The following DAB1 variants were observed in gnomAD, a reference collection of about 807,000 sequenced individuals.
DAB1 encodes DAB adaptor protein 1.
A neutral mutation model predicts 64.6 loss-of-function variants in DAB1; 15 were observed. The ratio of observed to expected loss-of-function variants is 0.23; its 90% CI spans 0.16 to 0.36. The LOEUF (loss-of-function observed/expected upper bound fraction) is 0.36, where lower values mean the gene tolerates loss of function less well. Ranked by LOEUF, DAB1 falls within the 10% of genes least tolerant of loss-of-function variation. The probability of loss-of-function intolerance (pLI) is 1.00; values close to 1 mark genes in which losing one functional copy is unlikely to be tolerated. For synonymous variants in DAB1, 235 were observed against 251.9 expected, an observed-to-expected ratio of 0.93 and a Z score of 0.64; for missense variants, 596 against 706.7, an observed-to-expected ratio of 0.84 and a Z score of 1.78.
chr1:57,922,525 G>A (rs1188827485), intron 5 of DAB1, among the ~76,000 whole-genome samples: 2 of 152,056 alleles, frequency 1.3e-5, no homozygotes, highest in African/African-American at 2.4e-5. Context: ...TTTGCCCTGA[G>A]GAACCTCCAT....
At chr1:57,857,370 A>T (rs1227226251) in intron 1 of DAB1, among the ~76,000 whole-genome samples, 3 of 152,222 alleles carry the variant, frequency 2.0e-5, no homozygotes, top group Admixed American at 1.3e-4. Flanking sequence ...AGATTCTGAA[A>T]ACAATATACA....
intron 6 of DAB1, among the ~76,000 whole-genome samples, chr1:57,785,648 C>T (rs192600471): frequency 0.013 from 2,017 of 152,214 alleles, 25 homozygotes; most frequent in Non-Finnish European, 0.019. Flanking sequence ...GAAGATGTGA[C>T]TGAATTTCTG....
chr1:58,505,002 G>A (rs1016582796), intron 3 of DAB1, among the ~76,000 whole-genome samples: 1 of 151,384 alleles, frequency 6.6e-6, no homozygotes, highest in Non-Finnish European at 1.5e-5. Flanking sequence ...TCGCTGACTA[G>A]AGTGCAGTGG....
chr1:57,973,057 T>C (rs1484388327), intron 5 of DAB1, among the ~76,000 whole-genome samples: 1 of 152,188 alleles, frequency 6.6e-6, no homozygotes. Flanking sequence ...TAAAGGATTC[T>C]GAGATGGGGG....
intron 3 of DAB1, among the ~76,000 whole-genome samples, chr1:58,458,401 C>T (rs1311776742): frequency 6.6e-6 from 1 of 152,206 alleles, no homozygotes; most frequent in African/African-American, 2.4e-5. Context: ...CAGTGATCAG[C>T]TGGTCAATTT....
rs12718424 is a variant in DAB1 at position 57,072,082 on chromosome 1, C to G, written c.438+201G>C. ...CATTAGTTAAAAAAAAAAAAAAAAA[C>G]AGAAAAAACTGGATGGGTATGAGCA... On this transcript the variant is annotated intron_variant, in intron 5 of 14. Transcript: ENST00000371236. 0.27 allele frequency among the ~76,000 whole-genome samples: 35,643 copies of G among 133,588 alleles called. 4,604 individuals carry two copies. Among genetic ancestry groups the G allele is most frequent in the Middle Eastern group, 0.37 (92 of 252 alleles). The allele number at this position is 133,588 out of a possible 152,430, so 87.6% of individuals were successfully genotyped here.
At chr1:57,931,632 G>A (rs1340532422) in intron 5 of DAB1, among the ~76,000 whole-genome samples, 1 of 152,100 alleles carries the variant, frequency 6.6e-6, no homozygotes, top group East Asian at 1.9e-4. Context: ...AAATTTGTAG[G>A]CCCAGAATTC....
At chr1:58,220,143 G>C (rs1015512436) in intron 4 of DAB1, among the ~76,000 whole-genome samples, 4 of 152,164 alleles carry the variant, frequency 2.6e-5, no homozygotes, top group Admixed American at 2.0e-4. Flanking sequence ...CTCCTGGAAT[G>C]GTAAACTTTT....
At chr1:57,285,259 C>CTT (rs1053730282) in intron 2 of DAB1, among the ~76,000 whole-genome samples, 7 of 151,780 alleles carry the variant, frequency 4.6e-5, no homozygotes, top group African/African-American at 1.7e-4. Context: ...TCTCCCTCAC[C>CTT]TTTCTTTCTT....
chr1:57,160,332 T>C (rs180850202), intron 2 of DAB1, among the ~76,000 whole-genome samples: 3 of 152,236 alleles, frequency 2.0e-5, no homozygotes, highest in Admixed American at 6.5e-5. Flanking sequence ...TCCCTTCTTA[T>C]AGTTGAGGAA....
intron 4 of DAB1, among the ~76,000 whole-genome samples, chr1:58,288,704 T>G (rs767941764): frequency 1.4e-4 from 21 of 152,174 alleles, no homozygotes; most frequent in Non-Finnish European, 2.6e-4. Context: ...AGCCCCTCCT[T>G]TGACCCTCTT....
At chr1:57,993,588 G>A (rs1646380436) in intron 5 of DAB1, among the ~76,000 whole-genome samples, 1 of 152,154 alleles carries the variant, frequency 6.6e-6, no homozygotes, top group South Asian at 2.1e-4. Context: ...CGCTGCATTT[G>A]GCTGATAGTC....
At chr1:57,527,167 A>C (rs993695551) in intron 7 of DAB1, among the ~76,000 whole-genome samples, 3 of 152,134 alleles carry the variant, frequency 2.0e-5, no homozygotes, top group Non-Finnish European at 2.9e-5. Context: ...CTTCTACTGT[A>C]TGCCACTATT....
rs578038465 is a variant in DAB1, at chr1:58,017,141, C to T, written n.388-132979G>A. ...ACCTCTAGTCCACTGATTGTTCATC[C>T]TTGCATGGGGTTGGCTTTCTGGACC... On this transcript the variant is annotated intron_variant and non_coding_transcript_variant, in intron 5 of 20. Coordinates refer to the DAB1 transcript ENST00000485760. 5.7e-4 allele frequency among the ~76,000 whole-genome samples: 87 copies of T among 152,096 alleles called. 1 individual carries two copies. The highest frequency in any genetic ancestry group is 1.5e-3 in the Admixed American group (23 of 15,268).
At chr1:58,161,727 T>G (rs1655547455) in intron 4 of DAB1, among the ~76,000 whole-genome samples, 1 of 152,192 alleles carries the variant, frequency 6.6e-6, no homozygotes, top group East Asian at 1.9e-4. Flanking sequence ...TGAGGTTCAC[T>G]AACTTGTTCA....
intron 11 of DAB1, among the ~76,000 whole-genome samples, chr1:57,020,225 C>T (rs1360889317): frequency 6.6e-6 from 1 of 152,136 alleles, no homozygotes; most frequent in Non-Finnish European, 1.5e-5. Context: ...GAAATTGCAA[C>T]TCCATGAGGG....
chr1:57,304,641 T>C (rs1031475837), intron 1 of DAB1, among the ~76,000 whole-genome samples: 4 of 152,162 alleles, frequency 2.6e-5, no homozygotes, highest in Non-Finnish European at 5.9e-5. Context: ...TAAGGTAATA[T>C]ATGCAAATTG....
chr1:57,673,614 T>G (rs1039838593), intron 6 of DAB1, among the ~76,000 whole-genome samples: 1 of 152,178 alleles, frequency 6.6e-6, no homozygotes, highest in African/African-American at 2.4e-5. Flanking sequence ...TATTTCATAT[T>G]GACATTTCGG....
chr1:56,997,555 T>C lies in DAB1; in HGVS notation c.*589A>G, dbSNP rs1645675279. On this transcript the variant is annotated 3_prime_UTR_variant, in exon 15 of 15. Transcript: ENST00000371236. ...CAAAAATTTGTACACCTATTAATTT[T>C]CAAACATGACAAAAAAAGGAAAGGG... The C allele has an allele frequency of 6.6e-6, 1 of 152,126 alleles. No individual in the cohort carries two copies. The highest frequency in any genetic ancestry group is 2.1e-4 in the South Asian group (1 of 4,822). The allele number at this position is 152,126 out of a possible 1,614,324, so 9.4% of individuals were successfully genotyped here. A position where few individuals can be genotyped will look rare whatever the true frequency, so the allele number is the denominator to read the frequency against.
Sources: gnomAD v4.1 joint callset for allele counts (sites outside exome capture counted in the v4.1 genomes callset) on GRCh38, gnomAD v4.1.1 for gene constraint, MANE v1.5 for transcripts, NCBI Gene and HGNC (gene_info 2026-07-23, HGNC 2026-07-21) for gene names.